The following EMSY variants were observed in gnomAD, a reference collection of about 807,000 sequenced individuals.
EMSY encodes the protein EMSY transcriptional repressor, BRCA2 interacting.
EMSY carries 26 observed loss-of-function variants against 134.6 expected under a neutral mutation model. That is an observed-to-expected ratio of 0.19 (90% CI 0.14 to 0.27). EMSY has a LOEUF of 0.27. Ranked by LOEUF, EMSY falls within the 10% of genes least tolerant of loss-of-function variation. EMSY has a pLI of 1.00. For missense variants in EMSY, 1,305 were observed against 1,611.4 expected (o/e 0.81, Z 3.26); for synonymous variants, 579 against 577.8 (o/e 1.00, Z -0.03).
chr11:76,453,251 A>T (rs2134867440), intron 3 of EMSY, 63 bp from the exon 4 acceptor site: 1 of 1,481,936 alleles, frequency 6.7e-7, no homozygotes, highest in Non-Finnish European at 9.3e-7. Flanking sequence ...CTTAAACATT[A>T]ATGAAAGTAT....
intron 8 of EMSY, among the ~76,000 whole-genome samples, chr11:76,475,640 GAT>G (rs1428435219): frequency 6.6e-6 from 1 of 152,300 alleles, no homozygotes; most frequent in East Asian, 1.9e-4. Context: ...TTCTGTTCGA[GAT>G]ATTTAATTTA....
intron 5 of EMSY, chr11:76,458,698 A>G (rs1053352718): frequency 5.7e-6 from 1 of 174,884 alleles, no homozygotes; most frequent in African/African-American, 2.4e-5. Flanking sequence ...TTAGCTACTA[A>G]AAAATGATTC....
At chr11:76,504,352 A>C (rs1162464246) in intron 9 of EMSY, among the ~76,000 whole-genome samples, 2 of 151,412 alleles carry the variant, frequency 1.3e-5, no homozygotes, top group Non-Finnish European at 2.9e-5. Context: ...ATATAACCCA[A>C]TTTTAAAATG....
At chr11:76,518,703 A>ATATATATATT (rs57143914) in intron 11 of EMSY, among the ~76,000 whole-genome samples, 1,545 of 130,074 alleles carry the variant, frequency 0.012, 20 homozygotes, top group African/African-American at 0.027. Context: ...ATATATATAT[A>ATATATATATT]TTTTTTTTTT....
At chr11:76,511,289 A>G (rs544505410) in intron 9 of EMSY, among the ~76,000 whole-genome samples, 2 of 152,172 alleles carry the variant, frequency 1.3e-5, no homozygotes, top group Non-Finnish European at 2.9e-5. Context: ...AAAATTACCT[A>G]TTTGATCCAG....
chr11:76,475,361 C>A (rs182210141), intron 8 of EMSY, among the ~76,000 whole-genome samples: 15 of 152,278 alleles, frequency 9.9e-5, no homozygotes, highest in Non-Finnish European at 1.6e-4. Context: ...AATAAAATAT[C>A]TTGAAGCAAA....
At chr11:76,448,052 T>G (rs1457088305) in intron 2 of EMSY, among the ~76,000 whole-genome samples, 1 of 152,086 alleles carries the variant, frequency 6.6e-6, no homozygotes, top group African/African-American at 2.4e-5. Flanking sequence ...CTTCCTAAAT[T>G]TGTTGATAGT....
chr11:76,474,555 G>A (rs1948704096), intron 8 of EMSY, among the ~76,000 whole-genome samples: 1 of 152,186 alleles, frequency 6.6e-6, no homozygotes, highest in Non-Finnish European at 1.5e-5. Context: ...AGATATGGAT[G>A]CAGTCAGTAT....
At chr11:76,496,180 A>G (rs771446578) in intron 8 of EMSY, 35 bp from the exon 10 acceptor site, 33 of 1,570,012 alleles carry the variant, frequency 2.1e-5, no homozygotes, top group Non-Finnish European at 2.7e-5. Context: ...TTGCTTTCCT[A>G]TCAAATTCTC....
At chr11:76,493,407 C>T (rs887742036) in intron 8 of EMSY, among the ~76,000 whole-genome samples, 2 of 152,118 alleles carry the variant, frequency 1.3e-5, no homozygotes, top group Non-Finnish European at 2.9e-5. Context: ...GGGTGGGTCC[C>T]GGTGAGGTCC....
intron 8 of EMSY, among the ~76,000 whole-genome samples, chr11:76,493,403 G>T (rs1273905584): frequency 6.6e-6 from 1 of 152,178 alleles, no homozygotes; most frequent in African/African-American, 2.4e-5. Context: ...AAAGGGGTGG[G>T]TCCCGGTGAG....
intron 8 of EMSY, among the ~76,000 whole-genome samples, chr11:76,479,094 T>A (rs919701336): frequency 1.4e-4 from 21 of 149,018 alleles, no homozygotes; most frequent in African/African-American, 2.2e-4. Context: ...CTTCTTGTTT[T>A]AAAAAAAAAA....
chr11:76,539,760 G>A (rs1442568337), intron 17 of EMSY, 120 bp downstream of exon 18: 3 of 932,210 alleles, frequency 3.2e-6, no homozygotes, highest in Non-Finnish European at 5.2e-6. Flanking sequence ...GCTCCACTTA[G>A]TGAAAGGAAG....
At chr11:76,544,864 TC>T in intron 19 of EMSY, 42 bp downstream of exon 20, 1 of 1,581,360 alleles carries the variant, frequency 6.3e-7, no homozygotes, top group Non-Finnish European at 8.6e-7. Context: ...ACTTCTCTGT[TC>T]ACGGAAAAAA....
Position 76,536,069 on chromosome 11 carries a change from C to A in EMSY, c.2359+10C>A. On this transcript the variant is annotated intron_variant, in intron 15 of 20. Transcript: ENST00000334736. ...CTCCAACAGACAACAGGTATGAATT[C>A]ACATGCTCAATTGAATGAAGCATGT... is the stretch of plus-strand genomic sequence containing the variant. 2 of 1,508,988 alleles carry A rather than the reference C, an allele frequency of 1.3e-6. No individual in the cohort carries two copies. The highest frequency in any genetic ancestry group is 2.4e-5 in the East Asian group (1 of 42,268). 93.5% of individuals were successfully genotyped at this position (1,508,988 alleles called of 1,614,324 possible).
chr11:76,544,203 G>A, intron 18 of EMSY, 56 bp from the exon 20 acceptor site: 1 of 1,478,072 alleles, frequency 6.8e-7, no homozygotes, highest in Non-Finnish European at 9.2e-7. Context: ...AGAGGAAAAT[G>A]TAGCAATGTA....
intron 9 of EMSY, among the ~76,000 whole-genome samples, chr11:76,503,190 A>G (rs1226795678): frequency 6.6e-6 from 1 of 150,672 alleles, no homozygotes; most frequent in Non-Finnish European, 1.5e-5. Flanking sequence ...AATCCCAGCT[A>G]CTCGGGAGGC....
rs183156927 is a variant in EMSY at position 76,510,178 on chromosome 11, A to T, written c.1364-3208A>T. On this transcript the variant is annotated intron_variant, in intron 9 of 20. Coordinates refer to ENST00000334736, the Ensembl canonical transcript of EMSY. ...AGATCACCCTGGACTATAAAGCAAGACCCTATCTCTACAAAAATAGTAAAA... is the reference window on the plus strand; with the variant it reads ...AGATCACCCTGGACTATAAAGCAAGTCCCTATCTCTACAAAAATAGTAAAA... Among the ~76,000 whole-genome samples the T allele has an allele frequency of 8.1e-4, 123 of 152,296 alleles. 1 individual carries two copies. Among genetic ancestry groups the T allele is most frequent in the African/African-American group, 2.7e-3 (112 of 41,550 alleles).
At chr11:76,468,676 G>A (rs550142927) in intron 7 of EMSY, among the ~76,000 whole-genome samples, 50 of 152,162 alleles carry the variant, frequency 3.3e-4, no homozygotes, top group African/African-American at 1.2e-3. Flanking sequence ...ATGAATTTGT[G>A]GACTTTATTC....
Sources: allele counts gnomAD v4.1 joint callset (sites outside exome capture counted in the v4.1 genomes callset), GRCh38; gene constraint gnomAD v4.1.1; transcripts MANE v1.5; gene names NCBI Gene and HGNC (gene_info 2026-07-23, HGNC 2026-07-21).